Variants in DNAH11 observed in about 807,000 individuals in gnomAD.
DNAH11 encodes the protein dynein axonemal heavy chain 11.
Under a neutral mutation model 526.0 loss-of-function variants are expected in DNAH11, and 442 were observed. The observed-to-expected ratio is 0.84, with a 90% CI of 0.78 to 0.91. The LOEUF is 0.91. DNAH11 is among the 40% of genes least tolerant of loss of function. The pLI is 0.00. For synonymous variants in DNAH11, 2,461 were observed against 1,935.9 expected, an observed-to-expected ratio of 1.27 and a Z score of -7.12; for missense variants, 6,989 against 5,448.7, an observed-to-expected ratio of 1.28 and a Z score of -8.90.
At chr7:21,610,973 G>A (rs866763693) in intron 20 of DNAH11, among the ~76,000 whole-genome samples, 1 of 152,182 alleles carries the variant, frequency 6.6e-6, no homozygotes, top group Non-Finnish European at 1.5e-5. Flanking sequence ...TGGTTGTGAT[G>A]GTTAAATTTA....
At chr7:21,613,206 A>C (rs1785604885) in intron 20 of DNAH11, among the ~76,000 whole-genome samples, 1 of 152,238 alleles carries the variant, frequency 6.6e-6, no homozygotes, top group South Asian at 2.1e-4. Context: ...CATAAATATC[A>C]ATTGAAATGT....
chr7:21,559,470 C>A, intron 3 of DNAH11, 133 bp from the exon 4 acceptor site: 1 of 750,570 alleles, frequency 1.3e-6, no homozygotes, highest in Non-Finnish European at 2.1e-6. Context: ...AAATCAAGAC[C>A]ATAAAAATAA....
At chr7:21,676,913 T>G (rs1406871321) in intron 30 of DNAH11, among the ~76,000 whole-genome samples, 1 of 152,202 alleles carries the variant, frequency 6.6e-6, no homozygotes, top group East Asian at 1.9e-4. Flanking sequence ...TGCATAGGTA[T>G]GGGTTGTTAT....
At chr7:21,693,975 G>A (rs760529644) in intron 35 of DNAH11, among the ~76,000 whole-genome samples, 9 of 152,014 alleles carry the variant, frequency 5.9e-5, no homozygotes, top group Non-Finnish European at 1.0e-4. Context: ...GAAGTGCCAC[G>A]CACTTTCAAC....
intron 18 of DNAH11, among the ~76,000 whole-genome samples, chr7:21,603,984 T>C (rs1785189371): frequency 6.6e-6 from 1 of 152,186 alleles, no homozygotes; most frequent in Non-Finnish European, 1.5e-5. Flanking sequence ...TAATTTAGAC[T>C]TGTCAGGAGG....
In DNAH11 at chr7:21,894,714, ATGTTCT is replaced by A; in HGVS notation, c.12847_12852del (p.Leu4283_Val4284del). On this transcript the variant is annotated inframe_deletion, in exon 78 of 82. Coordinates refer to ENST00000409508, the MANE Select transcript of DNAH11 (RefSeq NM_001277115.2). ...CAAAAAAATTCAAATAGAAGCCCATATGTTCTTGTTTGCTTCCAAGAATGTGAGAGG... is the reference window on the plus strand; with the variant it reads ...CAAAAAAATTCAAATAGAAGCCCATATGTTTGCTTCCAAGAATGTGAGAGG... 1 of 1,613,920 alleles carries A rather than the reference ATGTTCT, an allele frequency of 6.2e-7. No individual in the cohort carries two copies. Among genetic ancestry groups the A allele is most frequent in the Non-Finnish European group, 8.5e-7 (1 of 1,179,864 alleles).
intron 77 of DNAH11, among the ~76,000 whole-genome samples, chr7:21,894,257 T>C (rs1192495424): frequency 1.3e-5 from 2 of 152,256 alleles, no homozygotes; most frequent in Non-Finnish European, 2.9e-5. Flanking sequence ...ACCCTAATAA[T>C]AGGCTTCTAC....
intron 65 of DNAH11, among the ~76,000 whole-genome samples, chr7:21,826,391 T>C (rs1435198432): frequency 6.6e-6 from 1 of 152,184 alleles, no homozygotes; most frequent in Admixed American, 6.5e-5. Context: ...TGTTTCTTTT[T>C]TCAATGCAGT....
At chr7:21,696,549 A>T (rs1783860299) in intron 35 of DNAH11, among the ~76,000 whole-genome samples, 1 of 152,206 alleles carries the variant, frequency 6.6e-6, no homozygotes, top group Admixed American at 6.5e-5. Flanking sequence ...AACTGTGTGC[A>T]TTTCCAGTAT....
chr7:21,552,654 C>G (rs1322956326), intron 2 of DNAH11, among the ~76,000 whole-genome samples: 3 of 151,944 alleles, frequency 2.0e-5, no homozygotes, highest in Non-Finnish European at 1.5e-5. Context: ...AGGACCTTTT[C>G]TAAGATTTGA....
At chr7:21,796,319 A>C (rs2127991402) in intron 61 of DNAH11, among the ~76,000 whole-genome samples, 1 of 152,334 alleles carries the variant, frequency 6.6e-6, no homozygotes, top group South Asian at 2.1e-4. Flanking sequence ...ACTGTCAGAC[A>C]GGGAGAGCAA....
At chr7:21,603,078 T>A (rs1785154729) in intron 18 of DNAH11, among the ~76,000 whole-genome samples, 1 of 152,140 alleles carries the variant, frequency 6.6e-6, no homozygotes, top group African/African-American at 2.4e-5. Context: ...TACCCACCAA[T>A]CCTTGGCAAT....
chr7:21,624,628 C>T (rs917597168), intron 25 of DNAH11, among the ~76,000 whole-genome samples: 3 of 151,978 alleles, frequency 2.0e-5, no homozygotes, highest in African/African-American at 7.2e-5. Context: ...TATCTTTTTC[C>T]TGATTTTAGA....
Position 21,818,338 on chromosome 7 carries a change from A to G in DNAH11, c.10690A>G (p.Lys3564Glu). ...TGGCAGGAACACAATTAAAAAAGGA[A>G]AGTAAGTATTCTTGAATTTTTAACA... ...LLGRNTIKKG[K>E]YIRIGDKECE... The change falls in exon 65 of 82, where the codon AAG (lysine) becomes GAG (glutamate). Residue 3564 changes from lysine (K) to glutamate (E), a missense_variant and splice_region_variant. By Grantham distance (56) the Lys-to-Glu change is moderately conservative. Coordinates refer to ENST00000409508, the MANE Select transcript of DNAH11 (RefSeq NM_001277115.2). The G allele has an allele frequency of 1.9e-6, 3 of 1,606,158 alleles. No individual in the cohort carries two copies. The highest frequency in any genetic ancestry group is 2.3e-5 in the South Asian group (2 of 88,532).
chr7:21,609,104 C>T (rs1477670185), intron 20 of DNAH11, among the ~76,000 whole-genome samples: 1 of 152,104 alleles, frequency 6.6e-6, no homozygotes, highest in Non-Finnish European at 1.5e-5. Context: ...AATGAGGTTC[C>T]CTGGTTAAGT....
chr7:21,658,766 C>A (rs1028940894), intron 29 of DNAH11, 32 bp from the exon 30 acceptor site: 1 of 1,511,946 alleles, frequency 6.6e-7, no homozygotes, highest in Non-Finnish European at 8.9e-7. Flanking sequence ...ATAGTTAAGC[C>A]TGTGTTATAA....
chr7:21,547,193 G>A (rs80266863), intron 2 of DNAH11, among the ~76,000 whole-genome samples: 4,427 of 152,288 alleles, frequency 0.029, 207 homozygotes, highest in African/African-American at 0.1. Flanking sequence ...TTCTAGAGAT[G>A]CTTTAGCTGT....
intron 62 of DNAH11, among the ~76,000 whole-genome samples, chr7:21,806,487 C>G (rs1037995979): frequency 8.5e-5 from 13 of 152,114 alleles, no homozygotes; most frequent in Admixed American, 8.5e-4. Flanking sequence ...GATCTTGAAA[C>G]CACTTTGATA....
chr7:21,729,445 G>A (rs147566722), intron 45 of DNAH11, among the ~76,000 whole-genome samples: 5 of 152,340 alleles, frequency 3.3e-5, no homozygotes, highest in Admixed American at 3.3e-4. Context: ...TGGACAAGCT[G>A]AGAATTTCCC....
Sources: gnomAD v4.1 joint callset for allele counts (sites outside exome capture counted in the v4.1 genomes callset) on GRCh38, gnomAD v4.1.1 for gene constraint, MANE v1.5 for transcripts, NCBI Gene and HGNC (gene_info 2026-07-23, HGNC 2026-07-21) for gene names.